The following EYA1 variants were observed in gnomAD, a reference collection of about 807,000 sequenced individuals.
EYA1 encodes the protein protein phosphatase EYA1.
Under a neutral mutation model 82.0 loss-of-function variants are expected in EYA1, and 16 were observed. The ratio of observed to expected loss-of-function variants is 0.20; its 90% confidence interval spans 0.13 to 0.30. EYA1 has a LOEUF of 0.30. EYA1 is among the 10% of genes least tolerant of loss of function. The pLI is 1.00. For synonymous variants in EYA1, 261 were observed against 264.4 expected, an observed-to-expected ratio of 0.99 and a Z score of 0.12; for missense variants, 633 against 730.7, an observed-to-expected ratio of 0.87 and a Z score of 1.54.
chr8:71,324,420 C>G, intron 4 of EYA1, among the ~76,000 whole-genome samples: 1 of 152,184 alleles, frequency 6.6e-6, no homozygotes, highest in East Asian at 1.9e-4. Flanking sequence ...TCAAGTTATT[C>G]CCTCTATGTC....
chr8:71,533,316 G>A (rs1218672488), intron 2 of EYA1, among the ~76,000 whole-genome samples: 2 of 152,196 alleles, frequency 1.3e-5, no homozygotes, highest in Non-Finnish European at 2.9e-5. Context: ...ATCTTTCAGT[G>A]GTGGTATGAC....
intron 7 of EYA1, among the ~76,000 whole-genome samples, chr8:71,314,419 A>T (rs187264185): frequency 3.1e-4 from 47 of 152,314 alleles, no homozygotes; most frequent in Non-Finnish European, 5.3e-4. Context: ...TAATTTTCAA[A>T]TTAATAGTAT....
At chr8:71,268,320 G>A (rs1174147427) in intron 11 of EYA1, among the ~76,000 whole-genome samples, 1 of 152,182 alleles carries the variant, frequency 6.6e-6, no homozygotes, top group Non-Finnish European at 1.5e-5. Flanking sequence ...GAAGACAGGT[G>A]TAGGGATTTT....
chr8:71,487,367 A>G (rs890393682), intron 2 of EYA1, among the ~76,000 whole-genome samples: 28 of 152,162 alleles, frequency 1.8e-4, no homozygotes, highest in Non-Finnish European at 3.5e-4. Flanking sequence ...TGCTCCTAGT[A>G]TCTGAGCCCA....
intron 2 of EYA1, among the ~76,000 whole-genome samples, chr8:71,440,462 A>G (rs1184841428): frequency 1.3e-5 from 2 of 152,180 alleles, no homozygotes; most frequent in Non-Finnish European, 2.9e-5. Flanking sequence ...GACTTAACTA[A>G]TTAGACATGG....
At chr8:71,210,017 T>C (rs747160932) in intron 17 of EYA1, among the ~76,000 whole-genome samples, 1 of 152,226 alleles carries the variant, frequency 6.6e-6, no homozygotes, top group Non-Finnish European at 1.5e-5. Flanking sequence ...ATGGGAATTA[T>C]ATATCTTTAC....
intron 3 of EYA1, among the ~76,000 whole-genome samples, chr8:71,347,809 A>G (rs1162553981): frequency 6.6e-6 from 1 of 151,418 alleles, no homozygotes; most frequent in African/African-American, 2.4e-5. Flanking sequence ...TGAGGAGTAC[A>G]TAAACATACC....
rs1392532916 is a variant in EYA1 at position 71,211,220 on chromosome 8, A to G, written c.1634T>C (p.Phe545Ser). Reference protein sequence around the residue: ...ESCFERIIQRFGRKVVYVVIG... With the variant: ...ESCFERIIQRSGRKVVYVVIG... ...AACAACATACACCACTTTTCTTCCA[A>G]ACCTTTGAATTATTCTCTCAAAACA... Residue 545 changes from phenylalanine to serine, a missense_variant, in exon 17 of 18, where the codon TTT becomes TCT. Transcript: ENST00000340726. The G allele has an allele frequency of 6.2e-7, 1 of 1,613,482 alleles. No individual in the cohort carries two copies. Among genetic ancestry groups the G allele is most frequent in the Non-Finnish European group, 8.5e-7 (1 of 1,179,524 alleles).
At position 71,299,676 on chromosome 8, in the gene EYA1, A is replaced by G; in HGVS notation, c.601T>C (p.Ser201Pro). The part of the protein sequence containing the change: ...TSSGIYTGNN[S>P]LTNSSGFNSS... ...TTAAATCCAGAGGAATTTGTGAGTG[A>G]ATTATTTCCTGTATATATTCCTGAT... The change falls in exon 8 of 18, where the codon TCA (serine) becomes CCA (proline). Residue 201 changes from serine to proline, a missense_variant. Transcript: ENST00000340726. 1.3e-6 allele frequency: 2 copies of G among 1,596,054 alleles called. No individual in the cohort carries two copies. Among genetic ancestry groups the G allele is most frequent in the Non-Finnish European group, 1.7e-6 (2 of 1,164,368 alleles).
In EYA1 at chr8:71,272,996, T is replaced by C. The variant is rs16937540; in HGVS notation, c.827-1099A>G. Among the ~76,000 whole-genome samples, 72 of 152,328 alleles carry C rather than the reference T, an allele frequency of 4.7e-4. 1 individual carries two copies. The East Asian group carries it at 0.014, about 29-fold the overall frequency. On this transcript the variant is annotated intron_variant, in intron 9 of 17. Coordinates refer to ENST00000340726, the MANE Select transcript of EYA1 (RefSeq NM_000503.6). ...ACACTATCAGCCTCAACTATACCAA[T>C]AAGGCCATCCACGTGTCAAACTGCA...
At chr8:71,514,936 A>G (rs1258033509) in intron 2 of EYA1, among the ~76,000 whole-genome samples, 1 of 152,162 alleles carries the variant, frequency 6.6e-6, no homozygotes, top group Non-Finnish European at 1.5e-5. Flanking sequence ...CTTTTTAAGA[A>G]AACTGAAAAA....
At chr8:71,253,203 C>G (rs760422288) in intron 11 of EYA1, among the ~76,000 whole-genome samples, 1 of 152,100 alleles carries the variant, frequency 6.6e-6, no homozygotes, top group Non-Finnish European at 1.5e-5. Flanking sequence ...AAAATATCAG[C>G]TACCATAATA....
rs931904569 is a variant in EYA1 at position 71,374,830 on chromosome 8, A to T, written c.34-18319T>A. Among the ~76,000 whole-genome samples the T allele has an allele frequency of 1.3e-5, 2 of 152,210 alleles. 1 individual carries two copies. The highest frequency in any genetic ancestry group is 2.9e-5 in the Non-Finnish European group (2 of 68,024). ...ATGGAATATAATTCAGCCTTAAAAAAAGTAATCCTGTTATTTTCAACAACT... is the reference window on the plus strand; with the variant it reads ...ATGGAATATAATTCAGCCTTAAAAATAGTAATCCTGTTATTTTCAACAACT... On this transcript the variant is annotated intron_variant, in intron 2 of 18. Coordinates refer to the EYA1 transcript ENST00000643681.
intron 2 of EYA1, among the ~76,000 whole-genome samples, chr8:71,463,614 TCTCTCTCTCTC>T (rs1808550099): frequency 1.5e-4 from 19 of 125,016 alleles, no homozygotes; most frequent in African/African-American, 7.2e-4. Context: ...TCTCTCTCTC[TCTCTCTCTCTC>T]TCTCTCTCCC....
chr8:71,480,320 T>C (rs1211785872), intron 2 of EYA1, among the ~76,000 whole-genome samples: 2 of 152,170 alleles, frequency 1.3e-5, no homozygotes, highest in African/African-American at 4.8e-5. Context: ...TGATGTGATG[T>C]GTATATGACA....
chr8:71,307,530 T>C (rs1427928409), intron 7 of EYA1, among the ~76,000 whole-genome samples: 1 of 152,206 alleles, frequency 6.6e-6, no homozygotes, highest in Non-Finnish European at 1.5e-5. Flanking sequence ...AATCAGATTA[T>C]AATCACTATA....
At position 71,321,827 on chromosome 8, in the gene EYA1, A is replaced by T; in HGVS notation, c.325T>A (p.Tyr109Asn). 6.2e-7 allele frequency: 1 copy of T among 1,614,226 alleles called. No homozygotes were observed. Among genetic ancestry groups the T allele is most frequent in the Non-Finnish European group, 8.5e-7 (1 of 1,180,026 alleles). ...PTPSSQTMAA[Y>N]GQTQFTTGMQ... ...CCTGTGGTAAACTGTGTTTGCCCAT[A>T]TGCAGCCATAGTTTGTGAGGAAGGG... The change falls in exon 6 of 18, where the codon TAT becomes AAT. Residue 109 changes from tyrosine (Y) to asparagine (N), a missense_variant. Transcript: ENST00000340726.
chr8:71,412,210 C>T (rs1464173542), intron 2 of EYA1, among the ~76,000 whole-genome samples: 1 of 113,400 alleles, frequency 8.8e-6, no homozygotes, highest in Non-Finnish European at 1.7e-5. Flanking sequence ...AGGGGAATAT[C>T]ACACTCTGGG....
chr8:71,277,204 C>A (rs190073360), intron 9 of EYA1, among the ~76,000 whole-genome samples: 1 of 138,074 alleles, frequency 7.2e-6, no homozygotes, highest in Admixed American at 7.9e-5. Context: ...AGTGGTACAA[C>A]CATAGCTCAC....
Sources: allele counts gnomAD v4.1 joint callset (sites outside exome capture counted in the v4.1 genomes callset), GRCh38; gene constraint gnomAD v4.1.1; transcripts MANE v1.5; gene names NCBI Gene and HGNC (gene_info 2026-07-23, HGNC 2026-07-21).